The following GTF3C2 variants were observed in gnomAD, a reference collection of about 807,000 sequenced individuals.
GTF3C2 encodes the protein general transcription factor IIIC subunit 2.
In GTF3C2, 17 loss-of-function variants were observed where a neutral mutation model predicts 117.4. The observed-to-expected ratio is 0.14, with a 90% CI of 0.10 to 0.22. The LOEUF is 0.22. Among genes scored for constraint, GTF3C2 ranks in the 10% least tolerant of loss-of-function variants. The pLI, the probability that GTF3C2 is intolerant of heterozygous loss-of-function variation, is 1.00. For missense variants in GTF3C2, 888 were observed against 1,143.6 expected (o/e 0.78, Z 3.22); for synonymous variants, 437 against 427.0 (o/e 1.02, Z -0.29).
chr2:27,327,523 C>T (rs1680125208), intron 17 of GTF3C2, among the ~76,000 whole-genome samples: 1 of 151,660 alleles, frequency 6.6e-6, no homozygotes, highest in Non-Finnish European at 1.5e-5. Flanking sequence ...AGGGTTTCAC[C>T]ATGTTGGTCA....
At chr2:27,325,923 A>T (rs1680059221) in exon 19 of GTF3C2, 1 of 194,160 alleles carries the variant, frequency 5.2e-6, no homozygotes, top group South Asian at 8.0e-5. Context: ...TTAAATACTT[A>T]ACAGGGCAAT....
exon 11 of GTF3C2, chr2:27,333,992 C>T (rs1333337264): frequency 6.2e-7 from 1 of 1,609,742 alleles, no homozygotes; most frequent in Non-Finnish European, 8.5e-7. Context: ...TGGCAGGCTT[C>T]ACTGCATCTG....
chr2:27,334,947 C>T (rs1680407894), intron 10 of GTF3C2, among the ~76,000 whole-genome samples: 1 of 152,182 alleles, frequency 6.6e-6, no homozygotes, highest in Admixed American at 6.5e-5. Context: ...CCCAGCCCCA[C>T]AGCCAAACTT....
chr2:27,336,713 G>C, intron 7 of GTF3C2: 1 of 358,742 alleles, frequency 2.8e-6, no homozygotes, highest in South Asian at 3.8e-5. Flanking sequence ...GGCTCAAGTG[G>C]TTATCCCACC....
intron 17 of GTF3C2, 30 bp downstream of exon 17, chr2:27,328,007 A>G (rs776901167): frequency 1.3e-6 from 2 of 1,581,864 alleles, no homozygotes; most frequent in Non-Finnish European, 1.7e-6. Context: ...CTTTTCTAAT[A>G]CCACACCCAT....
intron 10 of GTF3C2, among the ~76,000 whole-genome samples, chr2:27,334,542 A>C (rs1183414849): frequency 1.3e-5 from 2 of 152,066 alleles, no homozygotes; most frequent in Non-Finnish European, 2.9e-5. Flanking sequence ...CTATGTGAAC[A>C]TGCCCTAATG....
exon 12 of GTF3C2, chr2:27,333,782 T>C: frequency 6.2e-7 from 1 of 1,602,860 alleles, no homozygotes; most frequent in Non-Finnish European, 8.5e-7. Context: ...CCACACATTG[T>C]ACCTGCAGGG....
At chr2:27,337,548 T>C in exon 6 of GTF3C2, 1 of 1,608,784 alleles carries the variant, frequency 6.2e-7, no homozygotes, top group Non-Finnish European at 8.5e-7. Flanking sequence ...TATGAATGTT[T>C]CTGCTCTCGG....
chr2:27,355,449 G>A (rs980150570), intron 1 of GTF3C2, among the ~76,000 whole-genome samples: 1 of 152,022 alleles, frequency 6.6e-6, no homozygotes, highest in Non-Finnish European at 1.5e-5. Context: ...GAACCCGGGA[G>A]GCGGAGGTTG....
exon 5 of GTF3C2, chr2:27,337,936 T>A (rs986594928): frequency 1.0e-5 from 16 of 1,593,420 alleles, no homozygotes; most frequent in Non-Finnish European, 1.4e-5. Flanking sequence ...AAGTCCTTGG[T>A]GAGATGGAGG....
chr2:27,332,511 T>C (rs1572565794), intron 12 of GTF3C2, among the ~76,000 whole-genome samples: 1 of 150,690 alleles, frequency 6.6e-6, no homozygotes, highest in Non-Finnish European at 1.5e-5. Context: ...GCCTCCCGGG[T>C]TCACGCCATT....
chr2:27,331,864 AG>A (rs1297328568), intron 12 of GTF3C2, among the ~76,000 whole-genome samples: 1 of 152,032 alleles, frequency 6.6e-6, no homozygotes, highest in East Asian at 1.9e-4. Flanking sequence ...GCTTGAGCCC[AG>A]GAAGTCCAGG....
At chr2:27,350,561 A>G in intron 1 of GTF3C2, 2 of 938,594 alleles carry the variant, frequency 2.1e-6, no homozygotes, top group Non-Finnish European at 2.5e-6. Context: ...ACACTTTGGG[A>G]GGCCAAGGTG....
intron 10 of GTF3C2, chr2:27,335,316 C>T: frequency 3.5e-6 from 2 of 572,316 alleles, no homozygotes; most frequent in Non-Finnish European, 6.8e-6. Flanking sequence ...GCTCTTTACA[C>T]AGCCAGTTAC....
chr2:27,348,179 A>G (rs1232743823), intron 1 of GTF3C2, among the ~76,000 whole-genome samples: 1 of 152,050 alleles, frequency 6.6e-6, no homozygotes, highest in African/African-American at 2.4e-5. Context: ...ACGCAGGAGA[A>G]CTGCTTGAAC....
exon 8 of GTF3C2, chr2:27,336,294 C>T (rs762275607): frequency 6.2e-7 from 1 of 1,614,124 alleles, no homozygotes; most frequent in Non-Finnish European, 8.5e-7. Flanking sequence ...CATGTCAGGG[C>T]TGGAGAAAAG....
At position 27,342,561 on chromosome 2, in the gene GTF3C2, C is replaced by G. The variant is rs996290965; in HGVS notation, c.569+265G>C. 6.9e-5 allele frequency: 38 copies of G among 554,694 alleles called. 1 individual carries two copies. The highest frequency in any genetic ancestry group is 1.2e-4 in the Non-Finnish European group (37 of 312,574). The allele number at this position is 554,694 out of a possible 1,614,324, so 34.4% of individuals were successfully genotyped here. On this transcript the variant is annotated intron_variant, in intron 3 of 18. Coordinates refer to ENST00000264720, the Ensembl canonical transcript of GTF3C2. The stretch of plus-strand genomic sequence containing the variant: ...AATATATATACTGACATATACTGGA[C>G]AGTAAAACAATAAAGAGCTGGGTAA...
At position 27,329,058 on chromosome 2, in the gene GTF3C2, GC is replaced by G. The variant is rs1201570113; in HGVS notation, c.2039+62del. 6 of 1,561,410 alleles carry G rather than the reference GC, an allele frequency of 3.8e-6. No individual in the cohort carries two copies. Among genetic ancestry groups the G allele is most frequent in the Non-Finnish European group, 5.3e-6 (6 of 1,133,052 alleles). On this transcript the variant is annotated intron_variant, in intron 14 of 18. Transcript: ENST00000264720. The surrounding 1 kb of genome is among the most constrained non-coding windows in gnomAD (Gnocchi z 4.5). ...ACCCTCCTCTCCCCACAACAATCTG[GC>G]ATGCTTTGCATTCCAACCCTTAGGG...
chr2:27,349,878 G>A (rs188367128), intron 1 of GTF3C2, among the ~76,000 whole-genome samples: 1 of 152,066 alleles, frequency 6.6e-6, no homozygotes, highest in Non-Finnish European at 1.5e-5. Flanking sequence ...GACCTCAAAT[G>A]ATCCCCCTGC....
Sources: allele counts gnomAD v4.1 joint callset (sites outside exome capture counted in the v4.1 genomes callset), GRCh38; gene constraint gnomAD v4.1.1; non-coding constraint Gnocchi (gnomAD v3.1); transcripts MANE v1.5; gene names NCBI Gene and HGNC (gene_info 2026-07-23, HGNC 2026-07-21).